SLMAP: variants seen among roughly 807,000 people sequenced by gnomAD.
SLMAP encodes sarcolemmal membrane-associated protein.
SLMAP carries 44 observed loss-of-function variants against 128.8 expected under a neutral mutation model. The ratio of observed to expected loss-of-function variants is 0.34; its 90% CI spans 0.27 to 0.44. The LOEUF (loss-of-function observed/expected upper bound fraction) is 0.44, where lower values mean the gene tolerates loss of function less well. SLMAP is among the 20% of genes least tolerant of loss of function. The pLI is 1.00. For synonymous variants in SLMAP, 327 were observed against 348.8 expected (o/e 0.94, Z 0.70); for missense variants, 787 against 985.3 (o/e 0.80, Z 2.69).
At chr3:57,815,307 GACCAAT>G (rs1382370044) in intron 2 of SLMAP, among the ~76,000 whole-genome samples, 1 of 152,108 alleles carries the variant, frequency 6.6e-6, no homozygotes, top group Non-Finnish European at 1.5e-5. Flanking sequence ...ACAGGTCACA[GACCAAT>G]ACCAATACCA....
At position 57,909,075 on chromosome 3, in the gene SLMAP, G is replaced by C. The variant is rs1285934639; in HGVS notation, c.1625-1G>C. 1 of 1,600,212 alleles carries C rather than the reference G, an allele frequency of 6.2e-7. No homozygotes were observed. Among genetic ancestry groups the C allele is most frequent in the African/African-American group, 1.3e-5 (1 of 74,358 alleles). On this transcript the variant is annotated splice_acceptor_variant, in intron 18 of 24. Transcript: ENST00000671191. LOFTEE classifies it high-confidence loss of function. ...AATAGATACTGTGTTTTTACTTTTAGCTCTTTTGGAAGAAGAAAGAAAAGC... is the reference window on the plus strand; with the variant it reads ...AATAGATACTGTGTTTTTACTTTTACCTCTTTTGGAAGAAGAAAGAAAAGC...
intron 2 of SLMAP, among the ~76,000 whole-genome samples, chr3:57,779,508 CAAAAAA>C (rs75146875): frequency 1.3e-5 from 1 of 79,804 alleles, no homozygotes. Flanking sequence ...GACCCTGTTT[CAAAAAA>C]AAAAAAAAAA....
chr3:57,855,722 A>C (rs1385874543), intron 6 of SLMAP, among the ~76,000 whole-genome samples: 4 of 149,262 alleles, frequency 2.7e-5, no homozygotes, highest in Non-Finnish European at 4.4e-5. Flanking sequence ...AAAAAAAAAA[A>C]AAACAAAAAA....
At chr3:57,853,711 C>T (rs1438867492) in intron 6 of SLMAP, among the ~76,000 whole-genome samples, 1 of 151,456 alleles carries the variant, frequency 6.6e-6, no homozygotes, top group Non-Finnish European at 1.5e-5. Context: ...GAGGCTAAGG[C>T]GGGCGGATCA....
In SLMAP at chr3:57,925,881, G is replaced by T; in HGVS notation, c.2482G>T (p.Gly828Cys). ...ACAACCCGTCCCAGCCGTATTCATC[G>T]GCCTATTCCTGGCTTTCCTGTTTTG... Reference protein sequence around the residue: ...ILQPVPAVFIGLFLAFLFWCF... With the variant: ...ILQPVPAVFICLFLAFLFWCF... The change falls in exon 24 of 25, where the codon GGC becomes TGC. Residue 828 changes from glycine (G) to cysteine (C), a missense_variant. Coordinates refer to ENST00000671191, the MANE Select transcript of SLMAP (RefSeq NM_001377540.1). 1 of 1,550,996 alleles carries T rather than the reference G, an allele frequency of 6.4e-7. No homozygotes were observed. The highest frequency in any genetic ancestry group is 8.7e-7 in the Non-Finnish European group (1 of 1,147,060).
At chr3:57,843,597 C>G (rs572922936) in intron 4 of SLMAP, among the ~76,000 whole-genome samples, 1 of 151,608 alleles carries the variant, frequency 6.6e-6, no homozygotes, top group African/African-American at 2.4e-5. Flanking sequence ...TGAGCCACCA[C>G]GCCTGGCCAA....
At chr3:57,890,656 T>C (rs1479631936) in intron 15 of SLMAP, 1 of 152,276 alleles carries the variant, frequency 6.6e-6, no homozygotes, top group African/African-American at 2.4e-5. Flanking sequence ...TTAATTCTGT[T>C]ACAGTTGTCA....
rs1464503755 is a variant in SLMAP, at chr3:57,757,277, C to T, written c.-375C>T. The T allele has an allele frequency of 3.3e-6, 1 of 299,426 alleles. No homozygotes were observed. The highest frequency in any genetic ancestry group is 6.4e-6 in the Non-Finnish European group (1 of 155,812). The allele number at this position is 299,426 out of a possible 1,614,324, so 18.5% of individuals were successfully genotyped here. A position where few individuals can be genotyped will look rare whatever the true frequency, so the allele number is the denominator to read the frequency against. On this transcript the variant is annotated 5_prime_UTR_variant, in exon 2 of 25. Transcript: ENST00000671191. ...AAAGCGGCCGCGATCTCAAACCAAA[C>T]ACAAGAATTGGCGTGTGACTCATCT...
At chr3:57,771,804 T>C (rs1377553274) in intron 2 of SLMAP, among the ~76,000 whole-genome samples, 1 of 152,222 alleles carries the variant, frequency 6.6e-6, no homozygotes, top group Non-Finnish European at 1.5e-5. Flanking sequence ...CTTTTTTGAA[T>C]ATGTTAAAGA....
chr3:57,872,789 A>G (rs182917235), intron 14 of SLMAP, among the ~76,000 whole-genome samples: 1 of 152,330 alleles, frequency 6.6e-6, no homozygotes, highest in Non-Finnish European at 1.5e-5. Flanking sequence ...TGTTAAGTAA[A>G]GGTCATTGTA....
intron 6 of SLMAP, among the ~76,000 whole-genome samples, chr3:57,852,631 A>G (rs970559409): frequency 2.0e-5 from 3 of 152,260 alleles, no homozygotes; most frequent in Admixed American, 6.5e-5. Flanking sequence ...AGGAAGGCAC[A>G]TTAATTAAGC....
chr3:57,832,258 C>T (rs1443810306), intron 3 of SLMAP, among the ~76,000 whole-genome samples: 2 of 152,106 alleles, frequency 1.3e-5, no homozygotes, highest in African/African-American at 4.8e-5. Flanking sequence ...TTGATTTATT[C>T]CTTCAGGTTG....
At chr3:57,843,986 G>T (rs2094115037) in intron 4 of SLMAP, among the ~76,000 whole-genome samples, 1 of 151,080 alleles carries the variant, frequency 6.6e-6, no homozygotes, top group African/African-American at 2.4e-5. Context: ...TCACTATATT[G>T]GCCGGGCTAC....
chr3:57,864,898 T>C, intron 12 of SLMAP, 41 bp downstream of exon 12: 1 of 1,483,608 alleles, frequency 6.7e-7, no homozygotes, highest in Non-Finnish European at 9.1e-7. Context: ...CTGAATTTTA[T>C]CCTTAAACTT....
intron 15 of SLMAP, chr3:57,890,987 T>C (rs1051484754): frequency 6.6e-6 from 1 of 152,208 alleles, no homozygotes; most frequent in African/African-American, 2.4e-5. Context: ...GCAGATGCCA[T>C]ATTTGGGGAA....
At position 57,855,699 on chromosome 3, in the gene SLMAP, C is replaced by T. The variant is rs550495399; in HGVS notation, c.520-2034C>T. ...AAGACCATCCTGAGCAACATAAGAACGCCCCATCTGTTAAAAAAAAAAAAA... is the reference window on the plus strand; with the variant it reads ...AAGACCATCCTGAGCAACATAAGAATGCCCCATCTGTTAAAAAAAAAAAAA... On this transcript the variant is annotated intron_variant, in intron 6 of 24. Coordinates refer to ENST00000671191, the MANE Select transcript of SLMAP (RefSeq NM_001377540.1). 5.0e-5 allele frequency among the ~76,000 whole-genome samples: 7 copies of T among 141,326 alleles called. No homozygotes were observed. The South Asian group carries it at 1.4e-3, about 28-fold the overall frequency. The allele number at this position is 141,326 out of a possible 152,430, so 92.7% of individuals were successfully genotyped here.
chr3:57,831,975 A>C (rs1316428243), intron 3 of SLMAP, among the ~76,000 whole-genome samples: 1 of 152,254 alleles, frequency 6.6e-6, no homozygotes, highest in Non-Finnish European at 1.5e-5. Flanking sequence ...CATGGTCATA[A>C]GATGATGGCT....
At position 57,896,547 on chromosome 3, in the gene SLMAP, A is replaced by C. The variant is rs773069117; in HGVS notation, c.1397A>C (p.Asp466Ala). 1 of 1,610,030 alleles carries C rather than the reference A, an allele frequency of 6.2e-7. No individual in the cohort carries two copies. Among genetic ancestry groups the C allele is most frequent in the South Asian group, 1.1e-5 (1 of 90,114 alleles). The change falls in exon 16 of 25, where the codon GAT (aspartate) becomes GCT (alanine). Residue 466 changes from aspartate to alanine, a missense_variant. Around this residue, in one of 2 missense-constraint regions of SLMAP, gnomAD observed 715 missense variants for 843.6 expected, o/e 0.85. Coordinates refer to ENST00000671191, the MANE Select transcript of SLMAP (RefSeq NM_001377540.1). Reference protein sequence around the residue: ...QTRAKESDFSDTLSPSKEKSS... With the variant: ...QTRAKESDFSATLSPSKEKSS... ...AGAGCAAAAGAATCTGATTTTTCAGATACTCTGAGTCCAAGCAAGGAAAAA... is the reference window on the plus strand; with the variant it reads ...AGAGCAAAAGAATCTGATTTTTCAGCTACTCTGAGTCCAAGCAAGGAAAAA...
Position 57,757,415 on chromosome 3 carries a change from G to A in SLMAP, c.-237G>A. 1 of 569,930 alleles carries A rather than the reference G, an allele frequency of 1.8e-6. No homozygotes were observed. Among genetic ancestry groups the A allele is most frequent in the South Asian group, 2.1e-5 (1 of 48,606 alleles). The allele number at this position is 569,930 out of a possible 1,614,324, so 35.3% of individuals were successfully genotyped here. On this transcript the variant is annotated 5_prime_UTR_variant, in exon 2 of 25. The change creates a premature stop within an existing upstream ORF in the 5' untranslated region. Transcript: ENST00000671191. ...GAAGATGGACTGAAAGCTGCCAGTT[G>A]GGGACTTTTTGTGATCACGGCGTTG...
Sources: allele counts gnomAD v4.1 joint callset (sites outside exome capture counted in the v4.1 genomes callset), GRCh38; gene constraint gnomAD v4.1.1; regional missense constraint gnomAD v4.1.1; transcripts MANE v1.5; gene names NCBI Gene and HGNC (gene_info 2026-07-23, HGNC 2026-07-21).